HDAC9: variants seen among roughly 807,000 people sequenced by gnomAD.
HDAC9 encodes MEF-2 interacting transcription repressor (MITR) protein.
A neutral mutation model predicts 139.4 loss-of-function variants in HDAC9; 41 were observed. The ratio of observed to expected loss-of-function variants is 0.29; its 90% confidence interval spans 0.23 to 0.38. The LOEUF is 0.38. HDAC9 is among the 10% of genes least tolerant of loss of function. HDAC9 has a pLI of 1.00. For synonymous variants in HDAC9, 517 were observed against 476.2 expected (o/e 1.09, Z -1.12); for missense variants, 1,147 against 1,297.0 (o/e 0.88, Z 1.78).
intron 17 of HDAC9, among the ~76,000 whole-genome samples, chr7:18,802,564 G>A (rs1793392432): frequency 6.6e-6 from 1 of 151,778 alleles, no homozygotes; most frequent in Non-Finnish European, 1.5e-5. Flanking sequence ...TTGGCTGCAG[G>A]ATTTTTGCAA....
chr7:18,543,694 G>T (rs374523581), intron 2 of HDAC9: 4 of 151,994 alleles, frequency 2.6e-5, no homozygotes, highest in East Asian at 1.9e-4. Context: ...TCCTGCTCTC[G>T]TGGGGCCTGC....
intron 2 of HDAC9, among the ~76,000 whole-genome samples, chr7:18,512,326 G>C (rs1372812255): frequency 1.3e-5 from 2 of 152,052 alleles, no homozygotes; most frequent in Non-Finnish European, 2.9e-5. Flanking sequence ...CACTTATATT[G>C]CTCAGTACAA....
intron 1 of HDAC9, among the ~76,000 whole-genome samples, chr7:18,319,391 C>T (rs561131804): frequency 6.6e-6 from 1 of 152,288 alleles, no homozygotes; most frequent in East Asian, 1.9e-4. Context: ...AAAAGCTCAT[C>T]TAGCAACCAA....
At chr7:18,655,954 A>T (rs1206298870) in intron 11 of HDAC9, among the ~76,000 whole-genome samples, 1 of 152,106 alleles carries the variant, frequency 6.6e-6, no homozygotes, top group Non-Finnish European at 1.5e-5. Context: ...AAGTAGTTTC[A>T]TGTGACAGAA....
Position 18,693,480 on chromosome 7 carries a change from G to T in HDAC9, c.1731+27004G>T, listed in dbSNP as rs188905587. On this transcript the variant is annotated intron_variant, in intron 12 of 25. Transcript: ENST00000686413. Reference sequence around the variant, plus strand: ...TAACTAAATATTCAATATGAGCAAAGAAGTTACACAATTTACTTTTAACGA... The same window carrying T: ...TAACTAAATATTCAATATGAGCAAATAAGTTACACAATTTACTTTTAACGA... Among the ~76,000 whole-genome samples the T allele has an allele frequency of 2.6e-5, 4 of 152,274 alleles. No homozygotes were observed. In the East Asian group the frequency reaches 7.7e-4, roughly 29 times the overall value.
intron 2 of HDAC9, among the ~76,000 whole-genome samples, chr7:18,184,695 T>C (rs1789767154): frequency 6.6e-6 from 1 of 152,240 alleles, no homozygotes; most frequent in Non-Finnish European, 1.5e-5. Context: ...TGTTCTATGC[T>C]TGTCTTGTTC....
intron 1 of HDAC9, among the ~76,000 whole-genome samples, chr7:18,108,379 A>G (rs1486734104): frequency 6.6e-6 from 1 of 152,108 alleles, no homozygotes; most frequent in African/African-American, 2.4e-5. Context: ...CCCAGAATTT[A>G]AGTTAGTTTT....
At chr7:18,231,669 T>A (rs148889156) in intron 2 of HDAC9, among the ~76,000 whole-genome samples, 3 of 152,192 alleles carry the variant, frequency 2.0e-5, no homozygotes, top group Non-Finnish European at 4.4e-5. Context: ...TTATGGGATG[T>A]GAAGGACCAG....
chr7:18,180,226 TACACACACACACACACACAC>T (rs67304424), intron 2 of HDAC9, among the ~76,000 whole-genome samples: 29 of 120,612 alleles, frequency 2.4e-4, no homozygotes, highest in African/African-American at 7.1e-4. Context: ...CCAAGACACA[TACACACACACACACACACAC>T]ACACACACAC....
intron 14 of HDAC9, among the ~76,000 whole-genome samples, chr7:18,749,500 G>C (rs1247916369): frequency 6.6e-6 from 1 of 152,148 alleles, no homozygotes; most frequent in African/African-American, 2.4e-5. Flanking sequence ...TTTGGATTTA[G>C]ATATATGCCA....
At chr7:18,392,258 ATCTCTG>A (rs1167558671) in intron 1 of HDAC9, among the ~76,000 whole-genome samples, 2 of 106,604 alleles carry the variant, frequency 1.9e-5, no homozygotes, top group African/African-American at 7.1e-5. Context: ...TTCTCTTTCT[ATCTCTG>A]TCTCTGTCAC....
chr7:18,894,165 G>C (rs1800955636), intron 22 of HDAC9, among the ~76,000 whole-genome samples: 1 of 152,148 alleles, frequency 6.6e-6, no homozygotes, highest in African/African-American at 2.4e-5. Flanking sequence ...GCTCTGAACT[G>C]AAATGGGGAA....
chr7:18,302,058 A>C (rs780729518), intron 1 of HDAC9, among the ~76,000 whole-genome samples: 2 of 152,220 alleles, frequency 1.3e-5, no homozygotes, highest in African/African-American at 2.4e-5. Context: ...TCAGGTGTTA[A>C]GAACAGCAGC....
intron 22 of HDAC9, among the ~76,000 whole-genome samples, chr7:18,877,228 A>G (rs1460728562): frequency 6.6e-6 from 1 of 152,166 alleles, no homozygotes; most frequent in Non-Finnish European, 1.5e-5. Flanking sequence ...AGCTGGGATT[A>G]CTAGATAGCT....
chr7:18,895,648 GT>G (rs1801125694), intron 22 of HDAC9, among the ~76,000 whole-genome samples: 1 of 152,042 alleles, frequency 6.6e-6, no homozygotes, highest in Non-Finnish European at 1.5e-5. Flanking sequence ...AAAGAAGAAA[GT>G]TTTGACTTGA....
At chr7:18,790,524 A>G (rs2129177361) in intron 16 of HDAC9, among the ~76,000 whole-genome samples, 1 of 152,306 alleles carries the variant, frequency 6.6e-6, no homozygotes, top group Admixed American at 6.5e-5. Context: ...TGTGAGAAAT[A>G]AAATTTCTTT....
Position 18,586,283 on chromosome 7 carries a change from T to C in HDAC9, c.264+761T>C, listed in dbSNP as rs1415294654. Among the ~76,000 whole-genome samples, 3 of 152,266 alleles carry C rather than the reference T, an allele frequency of 2.0e-5. No homozygotes were observed. In the East Asian group the frequency reaches 5.8e-4, roughly 29 times the overall value. ...GTATCTTCAGAGATAAATATTACTT[T>C]AGCTTTATTTGTAAAACATCTTGCA... On this transcript the variant is annotated intron_variant, in intron 3 of 25. Coordinates refer to ENST00000686413, the MANE Select transcript of HDAC9 (RefSeq NM_178425.4).
intron 23 of HDAC9, among the ~76,000 whole-genome samples, chr7:18,947,998 G>C (rs2129319719): frequency 6.6e-6 from 1 of 151,906 alleles, no homozygotes; most frequent in African/African-American, 2.4e-5. Flanking sequence ...TTCAATAAAT[G>C]TTTTAAAAGC....
At chr7:18,819,219 G>A (rs1794787042) in intron 17 of HDAC9, among the ~76,000 whole-genome samples, 2 of 152,314 alleles carry the variant, frequency 1.3e-5, no homozygotes, top group East Asian at 3.9e-4. Flanking sequence ...GGCGGAGGTT[G>A]CAGTGAGCTG....
Sources: allele counts gnomAD v4.1 joint callset (sites outside exome capture counted in the v4.1 genomes callset), GRCh38; gene constraint gnomAD v4.1.1; transcripts MANE v1.5; gene names NCBI Gene and HGNC (gene_info 2026-07-23, HGNC 2026-07-21).